The following GNA12 variants were observed in gnomAD, a reference collection of about 807,000 sequenced individuals.
GNA12 encodes the protein guanine nucleotide-binding protein subunit alpha-12.
In GNA12, 9 loss-of-function variants were observed where a neutral mutation model predicts 26.0. The observed-to-expected ratio is 0.35, with a 90% CI of 0.21 to 0.60. GNA12 has a LOEUF of 0.60. Among genes scored for constraint, GNA12 ranks in the 20% least tolerant of loss-of-function variants. GNA12 has a pLI of 0.78. For synonymous variants in GNA12, 264 were observed against 219.6 expected (o/e 1.20, Z -1.79); for missense variants, 405 against 525.8 (o/e 0.77, Z 2.25).
chr7:2,789,866 C>A (rs1292612533), intron 2 of GNA12, among the ~76,000 whole-genome samples: 1 of 152,028 alleles, frequency 6.6e-6, no homozygotes, highest in Non-Finnish European at 1.5e-5. Flanking sequence ...CAGAGAAGCC[C>A]AGGAAAGCCC....
At chr7:2,747,106 C>T (rs369564823) in intron 2 of GNA12, among the ~76,000 whole-genome samples, 1 of 151,866 alleles carries the variant, frequency 6.6e-6, no homozygotes, top group Admixed American at 6.6e-5. Context: ...GAGGAGCTGG[C>T]ACCATTCCTT....
At chr7:2,747,370 T>C (rs950189511) in intron 2 of GNA12, among the ~76,000 whole-genome samples, 12 of 152,174 alleles carry the variant, frequency 7.9e-5, no homozygotes, top group Admixed American at 1.3e-4. Flanking sequence ...GTTCAACATA[T>C]GCAAATCAAT....
At chr7:2,817,208 C>A (rs1387401301) in intron 1 of GNA12, among the ~76,000 whole-genome samples, 1 of 152,254 alleles carries the variant, frequency 6.6e-6, no homozygotes, top group Admixed American at 6.5e-5. Context: ...AGGGTTCAAG[C>A]GATTCTCCTG....
rs1268637550 is a variant in GNA12, at chr7:2,751,245, G to A, written c.526-17744C>T. Reference sequence around the variant, plus strand: ...CAAAAAAAACCCCAAAGTTAGCCGAGTATGTTGGCACATGCTTGTAGTCCC... The same window carrying A: ...CAAAAAAAACCCCAAAGTTAGCCGAATATGTTGGCACATGCTTGTAGTCCC... On this transcript the variant is annotated intron_variant, in intron 2 of 3. Coordinates refer to ENST00000275364, the MANE Select transcript of GNA12 (RefSeq NM_007353.3). Among the ~76,000 whole-genome samples the A allele has an allele frequency of 2.0e-5, 3 of 152,054 alleles. No homozygotes were observed. The East Asian group carries it at 5.8e-4, about 29-fold the overall frequency.
intron 2 of GNA12, among the ~76,000 whole-genome samples, chr7:2,748,687 G>A (rs1186700028): frequency 6.6e-6 from 1 of 152,170 alleles, no homozygotes; most frequent in Admixed American, 6.5e-5. Context: ...AAGAGTTTCT[G>A]CACAGCAAAA....
chr7:2,777,118 G>T (rs1792097338), intron 2 of GNA12, among the ~76,000 whole-genome samples: 1 of 152,110 alleles, frequency 6.6e-6, no homozygotes, highest in African/African-American at 2.4e-5. Context: ...TATCTGAATG[G>T]GAGTGGACTG....
intron 2 of GNA12, among the ~76,000 whole-genome samples, chr7:2,758,939 G>A (rs767614500): frequency 1.3e-5 from 2 of 151,980 alleles, no homozygotes; most frequent in Non-Finnish European, 1.5e-5. Context: ...TCAGGAGTTC[G>A]AGACCAGCCT....
intron 2 of GNA12, among the ~76,000 whole-genome samples, chr7:2,757,079 C>CG (rs956089808): frequency 3.9e-5 from 5 of 127,428 alleles, no homozygotes; most frequent in Non-Finnish European, 1.7e-5. Flanking sequence ...TGTCCCAAGG[C>CG]GGGGGAAAAA....
chr7:2,806,525 G>C (rs1351370452), intron 1 of GNA12, among the ~76,000 whole-genome samples: 1 of 149,126 alleles, frequency 6.7e-6, no homozygotes, highest in African/African-American at 2.5e-5. Context: ...GATTATAAAA[G>C]TGTATTTTTA....
At chr7:2,831,548 C>T (rs1206160927) in intron 1 of GNA12, among the ~76,000 whole-genome samples, 3 of 151,952 alleles carry the variant, frequency 2.0e-5, no homozygotes, top group East Asian at 1.9e-4. Context: ...GGACTACAGG[C>T]GCCTGCCACC....
At chr7:2,792,230 AGAAT>A (rs981816914) in intron 2 of GNA12, among the ~76,000 whole-genome samples, 5 of 152,242 alleles carry the variant, frequency 3.3e-5, no homozygotes, top group Admixed American at 6.5e-5. Context: ...CCATGAATGC[AGAAT>A]GAATGAATGA....
intron 1 of GNA12, among the ~76,000 whole-genome samples, chr7:2,843,413 G>A (rs1324899076): frequency 2.0e-5 from 3 of 151,734 alleles, no homozygotes; most frequent in South Asian, 2.1e-4. Context: ...GGGAGACCAA[G>A]GCAGGAGGAT....
At chr7:2,780,051 CAT>C (rs3996399) in intron 2 of GNA12, among the ~76,000 whole-genome samples, 1,865 of 61,916 alleles carry the variant, frequency 0.03, 22 homozygotes, top group African/African-American at 0.037. Context: ...TTTCTGTGTA[CAT>C]ATATATATAT....
Position 2,816,240 on chromosome 7 carries a change from C to CTTTTTTTTTTT in GNA12, c.310-21098_310-21097insAAAAAAAAAAA, listed in dbSNP as rs71026563. Among the ~76,000 whole-genome samples the CTTTTTTTTTTT allele has an allele frequency of 1.7e-3, 252 of 148,458 alleles. 3 individuals carry two copies. The highest frequency in any genetic ancestry group is 5.6e-3 in the African/African-American group (224 of 40,304). ...ACGCACATGTGCTGCTCACCAAATC[C>CTTTTTTTTTTT]TTTTTTTTTGAGATAGTCTTGATCT... On this transcript the variant is annotated intron_variant, in intron 1 of 3. Transcript: ENST00000275364.
chr7:2,792,684 T>G (rs1170464779), intron 2 of GNA12, among the ~76,000 whole-genome samples: 24 of 152,256 alleles, frequency 1.6e-4, no homozygotes, highest in Admixed American at 9.2e-4. Flanking sequence ...AGCCCTGCTC[T>G]TTAGGAGATT....
At position 2,844,010 on chromosome 7, in the gene GNA12, C is replaced by A. The variant is rs757276606; in HGVS notation, c.152G>T (p.Arg51Leu). 15 of 1,523,598 alleles carry A rather than the reference C, an allele frequency of 9.8e-6. No homozygotes were observed. Among genetic ancestry groups the A allele is most frequent in the Admixed American group, 2.0e-5 (1 of 50,678 alleles). The allele number at this position is 1,523,598 out of a possible 1,614,324, so 94.4% of individuals were successfully genotyped here. A position where few individuals can be genotyped will look rare whatever the true frequency, so the allele number is the denominator to read the frequency against. Residue 51 changes from arginine to leucine, a missense_variant, in exon 1 of 4, where the codon CGG becomes CTG. Coordinates refer to ENST00000275364, the MANE Select transcript of GNA12 (RefSeq NM_007353.3). ...CTTCACCAGGCGCCGGACCGCGCGC[C>A]GCTCGCGGGCCAGCAGCGCGTCGAT... ...RDIDALLARE[R>L]RAVRRLVKIL...
chr7:2,826,683 T>C (rs537252343), intron 1 of GNA12, among the ~76,000 whole-genome samples: 2 of 152,270 alleles, frequency 1.3e-5, no homozygotes, highest in East Asian at 1.9e-4. Context: ...AAGAAGCCCA[T>C]GTGAAAAGGC....
intron 2 of GNA12, among the ~76,000 whole-genome samples, chr7:2,753,501 T>C (rs79995684): frequency 0.012 from 1,770 of 152,326 alleles, 36 homozygotes; most frequent in African/African-American, 0.04. Flanking sequence ...CTGCTCACAC[T>C]GTTGCATCTG....
intron 1 of GNA12, among the ~76,000 whole-genome samples, chr7:2,830,329 A>G (rs1793573401): frequency 1.3e-5 from 2 of 152,230 alleles, no homozygotes; most frequent in African/African-American, 4.8e-5. Flanking sequence ...CCATTTGGAA[A>G]TCAAAACAGG....
Sources: allele counts gnomAD v4.1 joint callset (sites outside exome capture counted in the v4.1 genomes callset), GRCh38; gene constraint gnomAD v4.1.1; transcripts MANE v1.5; gene names NCBI Gene and HGNC (gene_info 2026-07-23, HGNC 2026-07-21).